The following CDH13 variants were observed in gnomAD, a reference collection of about 807,000 sequenced individuals.
CDH13 encodes cadherin-13.
CDH13 carries 24 observed loss-of-function variants against 63.8 expected under a neutral mutation model. That is an observed-to-expected ratio of 0.38 (90% CI 0.27 to 0.53). The LOEUF (loss-of-function observed/expected upper bound fraction) is 0.53, where lower values mean the gene tolerates loss of function less well. Ranked by LOEUF, CDH13 falls within the 20% of genes least tolerant of loss-of-function variation. CDH13 has a pLI of 0.85. For synonymous variants in CDH13, 503 were observed against 355.3 expected (o/e 1.42, Z -4.67); for missense variants, 1,049 against 903.1 (o/e 1.16, Z -2.07).
intron 1 of CDH13, among the ~76,000 whole-genome samples, chr16:82,808,381 G>T (rs1010530360): frequency 6.6e-6 from 1 of 152,086 alleles, no homozygotes; most frequent in African/African-American, 2.4e-5. Context: ...GATATAATTT[G>T]TGGAGACACT....
intron 9 of CDH13, among the ~76,000 whole-genome samples, chr16:83,677,647 G>A (rs1004504603): frequency 7.9e-5 from 12 of 152,222 alleles, no homozygotes; most frequent in Non-Finnish European, 1.5e-4. Flanking sequence ...TTCATGGCAA[G>A]TGAGTGAGAA....
intron 6 of CDH13, among the ~76,000 whole-genome samples, chr16:83,368,253 T>A (rs1357593379): frequency 6.6e-6 from 1 of 152,216 alleles, no homozygotes; most frequent in Non-Finnish European, 1.5e-5. Flanking sequence ...TGTTATACAC[T>A]CATAATTATA....
chr16:83,366,878 T>G (rs989850787), intron 6 of CDH13, among the ~76,000 whole-genome samples: 5 of 152,216 alleles, frequency 3.3e-5, no homozygotes, highest in African/African-American at 1.2e-4. Flanking sequence ...GCGTAAGTTA[T>G]GCTGTTCTCA....
rs537929596 is a variant in CDH13, at chr16:83,432,193, C to G, written c.782-54284C>G. Among the ~76,000 whole-genome samples, 22 of 152,250 alleles carry G rather than the reference C, an allele frequency of 1.4e-4. No individual in the cohort carries two copies. The South Asian group carries it at 1.9e-3, about 13-fold the overall frequency. On this transcript the variant is annotated intron_variant, in intron 6 of 13. Coordinates refer to ENST00000567109, the MANE Select transcript of CDH13 (RefSeq NM_001257.5). ...TTCAGATTCCCTGTGACGTGGGAAT[C>G]TTTTATCCACAAGGTTGTCATGCAT...
chr16:82,830,090 T>C (rs758529253), intron 1 of CDH13, among the ~76,000 whole-genome samples: 4 of 152,030 alleles, frequency 2.6e-5, no homozygotes, highest in African/African-American at 4.8e-5. Context: ...TTGTTACTAC[T>C]TTTTTTTCCC....
chr16:83,359,160 G>C (rs543314315), intron 6 of CDH13, among the ~76,000 whole-genome samples: 83 of 152,260 alleles, frequency 5.5e-4, no homozygotes, highest in African/African-American at 1.8e-3. Context: ...AATGTATTCT[G>C]ACAAGGGTAC....
At chr16:83,117,858 T>C (rs1228819839) in intron 3 of CDH13, among the ~76,000 whole-genome samples, 1 of 152,000 alleles carries the variant, frequency 6.6e-6, no homozygotes, top group Non-Finnish European at 1.5e-5. Flanking sequence ...GGGCGAGTGT[T>C]GTGGTGCTTC....
chr16:83,148,578 T>G (rs2036848617), intron 4 of CDH13, among the ~76,000 whole-genome samples: 1 of 152,230 alleles, frequency 6.6e-6, no homozygotes. Flanking sequence ...AGTGCCTGCC[T>G]CATAGGATTT....
At chr16:83,598,236 G>A (rs1598349773) in intron 7 of CDH13, among the ~76,000 whole-genome samples, 1 of 152,196 alleles carries the variant, frequency 6.6e-6, no homozygotes, top group East Asian at 1.9e-4. Context: ...GTGGTGGCGT[G>A]TGATTATAGT....
intron 2 of CDH13, among the ~76,000 whole-genome samples, chr16:82,988,661 C>A (rs1273688937): frequency 2.6e-5 from 4 of 151,670 alleles, no homozygotes; most frequent in Non-Finnish European, 5.9e-5. Context: ...CTCTGGAGGC[C>A]CGAGACAGGA....
intron 1 of CDH13, among the ~76,000 whole-genome samples, chr16:82,683,531 C>G (rs1914765199): frequency 6.6e-6 from 1 of 152,212 alleles, no homozygotes; most frequent in Non-Finnish European, 1.5e-5. Flanking sequence ...ATGCCAGAAA[C>G]AGCTAGACCA....
At chr16:83,154,036 G>C (rs932398830) in intron 4 of CDH13, among the ~76,000 whole-genome samples, 1 of 152,158 alleles carries the variant, frequency 6.6e-6, no homozygotes. Flanking sequence ...CCTCTTTAGA[G>C]AGCCATGTCC....
chr16:83,019,698 G>A (rs967167703), intron 2 of CDH13, among the ~76,000 whole-genome samples: 1 of 151,328 alleles, frequency 6.6e-6, no homozygotes, highest in African/African-American at 2.4e-5. Flanking sequence ...GTCTTGCCAT[G>A]TTGCCCAGTA....
chr16:83,497,964 T>C (rs756669798), intron 7 of CDH13, among the ~76,000 whole-genome samples: 1 of 152,238 alleles, frequency 6.6e-6, no homozygotes, highest in African/African-American at 2.4e-5. Flanking sequence ...GACAGCATAG[T>C]TCATTTCTCC....
intron 11 of CDH13, among the ~76,000 whole-genome samples, chr16:83,758,304 T>A (rs1010383292): frequency 6.6e-5 from 10 of 152,176 alleles, no homozygotes; most frequent in African/African-American, 2.4e-4. Context: ...ATCTCACTCA[T>A]GAGCATAAAT....
chr16:83,261,111 AG>A (rs1906934979), intron 5 of CDH13, among the ~76,000 whole-genome samples: 1 of 152,162 alleles, frequency 6.6e-6, no homozygotes, highest in African/African-American at 2.4e-5. Flanking sequence ...CAAGGAGAAC[AG>A]GGCATCTTGA....
intron 2 of CDH13, among the ~76,000 whole-genome samples, chr16:82,941,636 A>G (rs1466152681): frequency 6.6e-6 from 1 of 152,166 alleles, no homozygotes; most frequent in African/African-American, 2.4e-5. Context: ...AAACACGGCT[A>G]TTCTTAAATG....
chr16:82,824,259 G>T (rs1241813697), intron 1 of CDH13: 2 of 151,790 alleles, frequency 1.3e-5, no homozygotes, highest in East Asian at 1.9e-4. Flanking sequence ...TTATTTATAG[G>T]TTACCTTACA....
chr16:83,379,991 T>C (rs1385925321), intron 6 of CDH13, among the ~76,000 whole-genome samples: 1 of 147,070 alleles, frequency 6.8e-6, no homozygotes, highest in African/African-American at 2.5e-5. Flanking sequence ...AGGAAGCCAA[T>C]TTTAGGGCAT....
Sources: allele counts gnomAD v4.1 joint callset (sites outside exome capture counted in the v4.1 genomes callset), GRCh38; gene constraint gnomAD v4.1.1; transcripts MANE v1.5; gene names NCBI Gene and HGNC (gene_info 2026-07-23, HGNC 2026-07-21).